The following SEC61A2 variants were observed in gnomAD, a reference collection of about 807,000 sequenced individuals.
SEC61A2 encodes the protein SEC61 translocon subunit alpha 2.
A neutral mutation model predicts 59.9 loss-of-function variants in SEC61A2; 28 were observed. That is an observed-to-expected ratio of 0.47 (90% CI 0.35 to 0.64). The LOEUF (loss-of-function observed/expected upper bound fraction) is 0.64, where lower values mean the gene tolerates loss of function less well. Among genes scored for constraint, SEC61A2 ranks in the 30% least tolerant of loss-of-function variants. The pLI is 0.01. For missense variants in SEC61A2, 340 were observed against 585.9 expected (o/e 0.58, Z 4.33); for synonymous variants, 202 against 214.4 (o/e 0.94, Z 0.50).
At chr10:12,131,631 GTAAC>G (rs1833739240) in intron 1 of SEC61A2, among the ~76,000 whole-genome samples, 1 of 139,176 alleles carries the variant, frequency 7.2e-6, no homozygotes, top group East Asian at 2.5e-4. Context: ...ACCTGGGAGA[GTAAC>G]TAGGCAATGA....
At position 12,129,841 on chromosome 10, in the gene SEC61A2, C is replaced by G; in HGVS notation, c.7+47C>G. 7.5e-7 allele frequency: 1 copy of G among 1,337,390 alleles called. No individual in the cohort carries two copies. Among genetic ancestry groups the G allele is most frequent in the Non-Finnish European group, 9.6e-7 (1 of 1,041,162 alleles). 82.8% of individuals were successfully genotyped at this position (1,337,390 alleles called of 1,614,324 possible). A position where few individuals can be genotyped will look rare whatever the true frequency, so the allele number is the denominator to read the frequency against. On this transcript the variant is annotated intron_variant, in intron 1 of 11. Transcript: ENST00000298428. This position sits in a 1 kb window ranked among gnomAD's most constrained non-coding sequence, Gnocchi z 5.6. ...GGGGACTCTGGCTGGGAACGCAGGC[C>G]CCGCCTGGGCTGCGGGCGGTGGGGC...
downstream of SEC61A2, chr10:12,167,657 G>A (rs200505437): frequency 6.4e-7 from 1 of 1,562,494 alleles, no homozygotes; most frequent in African/African-American, 1.4e-5. Flanking sequence ...AGTGAAGAAG[G>A]CCTGGTGGTC....
At position 12,162,272 on chromosome 10, in the gene SEC61A2, G is replaced by A; in HGVS notation, c.1227G>A (p.Met409Ile). Residue 409 changes from methionine (M) to isoleucine (I), a missense_variant, in exon 11 of 12, where the codon ATG (methionine) becomes ATA (isoleucine). Coordinates refer to ENST00000298428, the MANE Select transcript of SEC61A2 (RefSeq NM_018144.4). The surrounding 1 kb of genome is among the most constrained non-coding windows in gnomAD (Gnocchi z 6.1). ...TGAGGGGCCACCGAGATACCTCTAT[G>A]GTTCATGAGCTTAATAGGTAAGGCT... Reference protein sequence around the residue: ...MVMRGHRDTSMVHELNRYIPT... With the variant: ...MVMRGHRDTSIVHELNRYIPT... 6.2e-7 allele frequency: 1 copy of A among 1,613,480 alleles called. No homozygotes were observed. Among genetic ancestry groups the A allele is most frequent in the Non-Finnish European group, 8.5e-7 (1 of 1,179,552 alleles).
At position 12,133,310 on chromosome 10, in the gene SEC61A2, T is replaced by G; in HGVS notation, c.75+2T>G. ...GAAATTCAGAAACCGGAAAGGAAAG[T>G]AAGTATAATATTTTAGTAATATAGA... On this transcript the variant is annotated splice_donor_variant, in intron 2 of 11. Coordinates refer to ENST00000298428, the MANE Select transcript of SEC61A2 (RefSeq NM_018144.4). LOFTEE classifies it high-confidence loss of function. 1 of 1,499,828 alleles carries G rather than the reference T, an allele frequency of 6.7e-7. No homozygotes were observed. Among genetic ancestry groups the G allele is most frequent in the Non-Finnish European group, 9.3e-7 (1 of 1,079,628 alleles). 92.9% of individuals were successfully genotyped at this position (1,499,828 alleles called of 1,614,324 possible). A position where few individuals can be genotyped will look rare whatever the true frequency, so the allele number is the denominator to read the frequency against.
chr10:12,160,812 C>A lies in SEC61A2; in HGVS notation c.976-118C>A. The A allele has an allele frequency of 1.3e-6, 1 of 773,282 alleles. No homozygotes were observed. The highest frequency in any genetic ancestry group is 2.6e-5 in the East Asian group (1 of 38,368). 47.9% of individuals were successfully genotyped at this position (773,282 alleles called of 1,614,324 possible). On this transcript the variant is annotated intron_variant, in intron 9 of 11. Coordinates refer to ENST00000298428, the MANE Select transcript of SEC61A2 (RefSeq NM_018144.4). This position sits in a 1 kb window ranked among gnomAD's most constrained non-coding sequence, Gnocchi z 4.1. Reference sequence around the variant, plus strand: ...TACATTCTGAAACTACATAGAATGACTAGCTGTAGATGCCTTGAACTTAAA... The same window carrying A: ...TACATTCTGAAACTACATAGAATGAATAGCTGTAGATGCCTTGAACTTAAA...
intron 3 of SEC61A2, among the ~76,000 whole-genome samples, chr10:12,136,526 G>T (rs1207533463): frequency 1.3e-5 from 2 of 152,202 alleles, no homozygotes. Flanking sequence ...TCAGCTCACT[G>T]CAACCTCTGC....
At chr10:12,141,030 G>C (rs917081011) in intron 3 of SEC61A2, among the ~76,000 whole-genome samples, 4 of 152,138 alleles carry the variant, frequency 2.6e-5, no homozygotes, top group Non-Finnish European at 4.4e-5. Context: ...CTCCTGAGTA[G>C]CTGGGATTAC....
At chr10:12,137,687 T>C (rs1443034265) in intron 3 of SEC61A2, among the ~76,000 whole-genome samples, 1 of 152,116 alleles carries the variant, frequency 6.6e-6, no homozygotes, top group Non-Finnish European at 1.5e-5. Flanking sequence ...TGTTTTAGGG[T>C]TATTGTAAAG....
downstream of SEC61A2, chr10:12,167,370 A>G (rs770063108): frequency 3.4e-5 from 7 of 205,266 alleles, no homozygotes; most frequent in Admixed American, 5.3e-5. Context: ...TTGAGAACTC[A>G]GGTCTATTTC....
In SEC61A2 at chr10:12,145,577, GT is replaced by G. The variant is rs1366535210; in HGVS notation, c.220+2387del. Among the ~76,000 whole-genome samples, 1 of 152,118 alleles carries G rather than the reference GT, an allele frequency of 6.6e-6. No homozygotes were observed. On this transcript the variant is annotated intron_variant, in intron 4 of 11. Transcript: ENST00000298428. The surrounding 1 kb of genome is among the most constrained non-coding windows in gnomAD (Gnocchi z 4.4). ...TTGGTGAGTTTGAACATTGTTTTCT[GT>G]TTTTATGGAACATTTGTATTTCTTC...
rs1375024292 is a variant in SEC61A2, at chr10:12,152,472, A to C, written c.462+2511A>C. Among the ~76,000 whole-genome samples the C allele has an allele frequency of 6.6e-6, 1 of 152,216 alleles. No individual in the cohort carries two copies. The highest frequency in any genetic ancestry group is 1.5e-5 in the Non-Finnish European group (1 of 68,044). ...TGGTAGAAGATACGTTTCCTTAAAG[A>C]ATAACTGTCAGATGTGGTGGCTCAC... On this transcript the variant is annotated intron_variant, in intron 6 of 11. Transcript: ENST00000298428. This position sits in a 1 kb window ranked among gnomAD's most constrained non-coding sequence, Gnocchi z 5.5.
At chr10:12,140,165 G>T (rs1281110668) in intron 3 of SEC61A2, among the ~76,000 whole-genome samples, 1 of 152,084 alleles carries the variant, frequency 6.6e-6, no homozygotes, top group Non-Finnish European at 1.5e-5. Flanking sequence ...TTTCTGTGTA[G>T]CCAATAGGCT....
chr10:12,148,437 G>T (rs1027834009), intron 4 of SEC61A2, among the ~76,000 whole-genome samples: 6 of 150,970 alleles, frequency 4.0e-5, no homozygotes, highest in African/African-American at 1.5e-4. Flanking sequence ...TAGAAATGGG[G>T]TTTTTCCATG....
chr10:12,155,687 C>A lies in SEC61A2; in HGVS notation c.463-91C>A. On this transcript the variant is annotated intron_variant, in intron 6 of 11. Coordinates refer to ENST00000298428, the MANE Select transcript of SEC61A2 (RefSeq NM_018144.4). The surrounding 1 kb of genome is among the most constrained non-coding windows in gnomAD (Gnocchi z 4.3). ...AACGATCAGGCCTTAATATTCAAAA[C>A]GCCCCTAGCTTGGAAATAGCCAATG... 1.4e-6 allele frequency: 2 copies of A among 1,452,304 alleles called. No individual in the cohort carries two copies. Among genetic ancestry groups the A allele is most frequent in the South Asian group, 1.2e-5 (1 of 82,098 alleles). 90.0% of individuals were successfully genotyped at this position (1,452,304 alleles called of 1,614,324 possible).
At chr10:12,135,987 C>T (rs773528369) in intron 2 of SEC61A2, 118 bp from the exon 3 acceptor site, 120 of 718,012 alleles carry the variant, frequency 1.7e-4, no homozygotes, top group Admixed American at 4.2e-4. Flanking sequence ...TAACACATAA[C>T]GGACATTCCC....
intron 4 of SEC61A2, among the ~76,000 whole-genome samples, chr10:12,148,308 G>A (rs1834193579): frequency 6.9e-6 from 1 of 145,466 alleles, no homozygotes. Flanking sequence ...TGCAATGGCG[G>A]GATCTTGGCT....
rs371004076 is a variant in SEC61A2, at chr10:12,133,254, A to G, written c.21A>G (p.Glu7=). 9.2e-6 allele frequency: 14 copies of G among 1,526,742 alleles called. No homozygotes were observed. In the African/African-American group the frequency reaches 1.5e-4, roughly 16 times the overall value. 94.6% of individuals were successfully genotyped at this position (1,526,742 alleles called of 1,614,324 possible). A position where few individuals can be genotyped will look rare whatever the true frequency, so the allele number is the denominator to read the frequency against. MGIKFL[E]VIKPFCAVLP... is the part of the protein sequence containing the mutation. ...TTCTTTTTACAGTCAAATTTTTAGA[A>G]GTTATCAAACCATTCTGTGCAGTTC... Residue 7 remains glutamate (E), a synonymous_variant, in exon 2 of 12, where the codon GAA becomes GAG. Coordinates refer to ENST00000298428, the MANE Select transcript of SEC61A2 (RefSeq NM_018144.4).
rs113682425 is a variant in SEC61A2, at chr10:12,152,132, A to C, written c.462+2171A>C. On this transcript the variant is annotated intron_variant, in intron 6 of 11. Transcript: ENST00000298428. This position sits in a 1 kb window ranked among gnomAD's most constrained non-coding sequence, Gnocchi z 5.5. The stretch of plus-strand genomic sequence containing the variant: ...GGAGTCCTGCTCTGTCTCCCAGACT[A>C]AAGTGCAGTGGTGCAATCTTGGCTC... Among the ~76,000 whole-genome samples the C allele has an allele frequency of 3.8e-4, 57 of 150,604 alleles. No individual in the cohort carries two copies. Among genetic ancestry groups the C allele is most frequent in the African/African-American group, 1.4e-3 (56 of 40,918 alleles).
chr10:12,144,318 C>T (rs1834090242), intron 4 of SEC61A2, among the ~76,000 whole-genome samples: 1 of 152,206 alleles, frequency 6.6e-6, no homozygotes, highest in Admixed American at 6.6e-5. Context: ...TTTCTTTGCA[C>T]ATACATTCAC....
Sources: allele counts gnomAD v4.1 joint callset (sites outside exome capture counted in the v4.1 genomes callset), GRCh38; gene constraint gnomAD v4.1.1; non-coding constraint Gnocchi (gnomAD v3.1); transcripts MANE v1.5; gene names NCBI Gene and HGNC (gene_info 2026-07-23, HGNC 2026-07-21).